KIF15: variants seen among roughly 807,000 people sequenced by gnomAD.
The protein encoded by KIF15 is kinesin family member 15, also known as kinesin-like protein KIF15.
A neutral mutation model predicts 190.6 loss-of-function variants in KIF15; 140 were observed. That is an observed-to-expected ratio of 0.73 (90% CI 0.64 to 0.84). The LOEUF is 0.84. Among genes scored for constraint, KIF15 ranks in the 40% least tolerant of loss-of-function variants. KIF15 has a pLI of 0.00. For synonymous variants in KIF15, 528 were observed against 551.3 expected, an observed-to-expected ratio of 0.96 and a Z score of 0.59; for missense variants, 1,372 against 1,584.4, an observed-to-expected ratio of 0.87 and a Z score of 2.28.
intron 10 of KIF15, chr3:44,799,104 C>G (rs1707132273): frequency 6.2e-6 from 2 of 324,096 alleles, no homozygotes; most frequent in Non-Finnish European, 1.2e-5. Flanking sequence ...TTAAGATTTA[C>G]TAGAAGTCTT....
intron 32 of KIF15, among the ~76,000 whole-genome samples, chr3:44,848,867 G>A (rs1350324756): frequency 6.6e-6 from 1 of 152,114 alleles, no homozygotes; most frequent in East Asian, 1.9e-4. Flanking sequence ...TTCTGCTTCT[G>A]GTTTCCTCTG....
chr3:44,835,794 G>A (rs1372442941), intron 26 of KIF15, among the ~76,000 whole-genome samples: 3 of 152,106 alleles, frequency 2.0e-5, no homozygotes, highest in Admixed American at 6.5e-5. Flanking sequence ...AGAAAGAGTC[G>A]GTTTAATCAA....
chr3:44,831,404 T>C (rs868221650), intron 26 of KIF15, among the ~76,000 whole-genome samples: 48 of 152,322 alleles, frequency 3.2e-4, no homozygotes, highest in Admixed American at 1.9e-3. Context: ...ATATTTTATC[T>C]AGCTAATCTA....
intron 14 of KIF15, 109 bp downstream of exon 14, chr3:44,803,100 G>A (rs1707354468): frequency 1.1e-6 from 1 of 871,064 alleles, no homozygotes; most frequent in African/African-American, 1.7e-5. Flanking sequence ...GGCCTGCTAT[G>A]CTAATGTCTT....
chr3:44,768,743 T>C (rs1182777819), intron 1 of KIF15, among the ~76,000 whole-genome samples: 1 of 152,180 alleles, frequency 6.6e-6, no homozygotes, highest in East Asian at 1.9e-4. Flanking sequence ...GGGTGCTGTG[T>C]TGGGAAAATG....
chr3:44,809,546 C>T (rs2125653595), intron 16 of KIF15, among the ~76,000 whole-genome samples: 1 of 152,016 alleles, frequency 6.6e-6, no homozygotes, highest in East Asian at 1.9e-4. Context: ...AGGGATTTAA[C>T]TTAAAAAAAG....
intron 22 of KIF15, 152 bp from the exon 23 acceptor site, chr3:44,827,307 G>A: frequency 3.4e-6 from 2 of 581,258 alleles, no homozygotes; most frequent in South Asian, 2.3e-5. Context: ...GAAGAAATGG[G>A]TTCAAATTTC....
chr3:44,857,596 G>GT (rs1487631262), downstream of KIF15, among the ~76,000 whole-genome samples: 1 of 152,206 alleles, frequency 6.6e-6, no homozygotes, highest in African/African-American at 2.4e-5. Flanking sequence ...GGAAAGAGGA[G>GT]TGGGGAAAAG....
At position 44,861,827 on chromosome 3, in the gene KIF15, C is replaced by A. The variant is rs970102065; in HGVS notation, c.*59+9033C>A. On this transcript the variant is annotated intron_variant and NMD_transcript_variant, in intron 6 of 6. Coordinates refer to the KIF15 transcript ENST00000422209. The stretch of plus-strand genomic sequence containing the variant: ...TCCCAAGGGGCCTGCCGGAGCGTGG[C>A]GTCACAGGAGCGTCGCGTCACGTGA... 11 of 1,309,762 alleles carry A rather than the reference C, an allele frequency of 8.4e-6. No homozygotes were observed. In the South Asian group the frequency reaches 1.3e-4, roughly 16 times the overall value. 81.1% of individuals were successfully genotyped at this position (1,309,762 alleles called of 1,614,324 possible).
At chr3:44,770,373 C>G (rs1269795506) in intron 1 of KIF15, among the ~76,000 whole-genome samples, 3 of 152,152 alleles carry the variant, frequency 2.0e-5, no homozygotes, top group African/African-American at 7.2e-5. Context: ...ATAGGACTTT[C>G]TAAAGCTGAA....
intron 20 of KIF15, among the ~76,000 whole-genome samples, chr3:44,823,326 A>G (rs1358980515): frequency 2.0e-5 from 3 of 152,136 alleles, no homozygotes; most frequent in Admixed American, 2.0e-4. Context: ...TTGCCTGGGT[A>G]TCACCAGCGG....
chr3:44,780,326 GA>G (rs933266273), intron 4 of KIF15, among the ~76,000 whole-genome samples: 1 of 152,022 alleles, frequency 6.6e-6, no homozygotes, highest in Non-Finnish European at 1.5e-5. Context: ...TATAGCATAA[GA>G]ATTTTTTTAT....
At chr3:44,827,740 T>G (rs1697751309) in intron 23 of KIF15, among the ~76,000 whole-genome samples, 1 of 152,190 alleles carries the variant, frequency 6.6e-6, no homozygotes, top group Non-Finnish European at 1.5e-5. Flanking sequence ...TGCAGTGCAG[T>G]GGCGCAGTGA....
At chr3:44,767,722 C>G (rs940673352) in intron 1 of KIF15, among the ~76,000 whole-genome samples, 1 of 151,206 alleles carries the variant, frequency 6.6e-6, no homozygotes, top group Non-Finnish European at 1.5e-5. Context: ...AGTGAAACCC[C>G]GTCTCCACTA....
At chr3:44,830,756 T>C in intron 25 of KIF15, 140 bp from the exon 26 acceptor site, 2 of 809,768 alleles carry the variant, frequency 2.5e-6, no homozygotes, top group Admixed American at 6.0e-5. Context: ...CTTATTCTTC[T>C]ATTCCTTCAG....
chr3:44,809,836 G>A (rs1707708505), intron 16 of KIF15, among the ~76,000 whole-genome samples: 2 of 152,198 alleles, frequency 1.3e-5, no homozygotes, highest in African/African-American at 4.8e-5. Context: ...GGAGGCCAAA[G>A]CGGGCAGATC....
At chr3:44,838,526 T>C in intron 27 of KIF15, 105 bp downstream of exon 27, 1 of 1,144,014 alleles carries the variant, frequency 8.7e-7, no homozygotes. Flanking sequence ...GTGGACCACT[T>C]GAAGTCAGGA....
At chr3:44,810,336 A>G (rs1432229704) in intron 16 of KIF15, among the ~76,000 whole-genome samples, 1 of 152,020 alleles carries the variant, frequency 6.6e-6, no homozygotes, top group Non-Finnish European at 1.5e-5. Flanking sequence ...ACTGCAACCT[A>G]GAACACCTGG....
At chr3:44,817,691 T>C (rs1289782062) in intron 20 of KIF15, among the ~76,000 whole-genome samples, 1 of 152,232 alleles carries the variant, frequency 6.6e-6, no homozygotes, top group African/African-American at 2.4e-5. Flanking sequence ...TCCAACTTTG[T>C]TCTTTTGGCT....
Sources: gnomAD v4.1 joint callset for allele counts (sites outside exome capture counted in the v4.1 genomes callset) on GRCh38, gnomAD v4.1.1 for gene constraint, MANE v1.5 for transcripts, NCBI Gene and HGNC (gene_info 2026-07-23, HGNC 2026-07-21) for gene names.